The following RAP1GAP2 variants were observed in gnomAD, a reference collection of about 807,000 sequenced individuals.
The protein encoded by RAP1GAP2 is rap1 GTPase-activating protein 2.
RAP1GAP2 carries 27 observed loss-of-function variants against 95.0 expected under a neutral mutation model. That is an observed-to-expected ratio of 0.28 (90% CI 0.21 to 0.39). The LOEUF (loss-of-function observed/expected upper bound fraction) is 0.39, where lower values mean the gene tolerates loss of function less well. Ranked by LOEUF, RAP1GAP2 falls within the 10% of genes least tolerant of loss-of-function variation. RAP1GAP2 has a pLI of 1.00. For synonymous variants in RAP1GAP2, 373 were observed against 380.9 expected, an observed-to-expected ratio of 0.98 and a Z score of 0.24; for missense variants, 771 against 970.0, an observed-to-expected ratio of 0.79 and a Z score of 2.72.
intron 1 of RAP1GAP2, among the ~76,000 whole-genome samples, chr17:2,767,384 AAAAG>A (rs1160586426): frequency 1.0e-4 from 15 of 149,946 alleles, no homozygotes; most frequent in African/African-American, 3.7e-4. Flanking sequence ...AAAAAAAAAA[AAAAG>A]GTTGGAATAG....
chr17:3,022,399 A>G (rs1046115439), intron 19 of RAP1GAP2, among the ~76,000 whole-genome samples: 4 of 152,210 alleles, frequency 2.6e-5, no homozygotes, highest in African/African-American at 9.6e-5. Context: ...TTACCAAGCA[A>G]TTCCGCTCCT....
rs1555575129 is a variant in RAP1GAP2 at position 2,950,061 on chromosome 17, C to CTTCTTTTTT, written c.166-7696_166-7695insCTTTTTTTT. The stretch of plus-strand genomic sequence containing the variant: ...TTCTTTTCTTCTTCTTCTTCTTCTT[C>CTTCTTTTTT]TTTTTTTTTTGAGATGGAGTCTTGC... On this transcript the variant is annotated intron_variant, in intron 3 of 24. Coordinates refer to ENST00000254695, the MANE Select transcript of RAP1GAP2 (RefSeq NM_015085.5). Among the ~76,000 whole-genome samples the CTTCTTTTTT allele has an allele frequency of 3.5e-3, 496 of 141,278 alleles. 3 individuals are homozygous for CTTCTTTTTT. The highest frequency in any genetic ancestry group is 0.013 in the African/African-American group (477 of 37,152). The allele number at this position is 141,278 out of a possible 152,430, so 92.7% of individuals were successfully genotyped here.
intron 11 of RAP1GAP2, among the ~76,000 whole-genome samples, chr17:2,987,397 C>G (rs1022106338): frequency 6.6e-6 from 1 of 151,986 alleles, no homozygotes; most frequent in Non-Finnish European, 1.5e-5. Flanking sequence ...GAGTTTTGCT[C>G]TTGTTGCCCA....
At chr17:2,941,118 TG>T (rs1355361648) in intron 3 of RAP1GAP2, among the ~76,000 whole-genome samples, 2 of 152,154 alleles carry the variant, frequency 1.3e-5, no homozygotes, top group African/African-American at 4.8e-5. Context: ...AAAGACCGCG[TG>T]GGCCGGGAAC....
chr17:2,880,201 G>T (rs1193892524), intron 2 of RAP1GAP2, among the ~76,000 whole-genome samples: 1 of 152,084 alleles, frequency 6.6e-6, no homozygotes, highest in Non-Finnish European at 1.5e-5. Context: ...GGCTTGGGGG[G>T]GATGGGAGTG....
At chr17:2,792,644 G>A (rs552114381), upstream of RAP1GAP2, among the ~76,000 whole-genome samples, 3 of 152,216 alleles carry the variant, frequency 2.0e-5, no homozygotes, top group Non-Finnish European at 2.9e-5. Context: ...CAGCGGCATC[G>A]AAGAAGTCCA....
Position 2,849,075 on chromosome 17 carries a change from G to A in RAP1GAP2, c.80+48525G>A, listed in dbSNP as rs73979703. 3.8e-3 allele frequency among the ~76,000 whole-genome samples: 574 copies of A among 152,286 alleles called. 1 individual carries two copies. Among genetic ancestry groups the A allele is most frequent in the African/African-American group, 0.013 (532 of 41,546 alleles). On this transcript the variant is annotated intron_variant, in intron 2 of 24. Transcript: ENST00000254695. ...GATATCCCAGAGCAGGTGTGTGTAT[G>A]TGTGTACCCTCAAAGGCAGAAGAGA...
chr17:2,793,403 C>T (rs1383726717), upstream of RAP1GAP2, among the ~76,000 whole-genome samples: 1 of 152,184 alleles, frequency 6.6e-6, no homozygotes, highest in Non-Finnish European at 1.5e-5. Flanking sequence ...ATCTCCCTGC[C>T]TCGGTCTCCC....
At chr17:2,813,158 G>C (rs933928394) in intron 2 of RAP1GAP2, among the ~76,000 whole-genome samples, 1 of 150,292 alleles carries the variant, frequency 6.7e-6, no homozygotes, top group Non-Finnish European at 1.5e-5. Flanking sequence ...TGCAACCTCC[G>C]CCTCCCAGGT....
intron 3 of RAP1GAP2, among the ~76,000 whole-genome samples, chr17:2,925,551 C>T (rs979230890): frequency 2.0e-5 from 3 of 152,138 alleles, no homozygotes; most frequent in African/African-American, 7.2e-5. Context: ...GTGGGGATTA[C>T]AGTTCGAGAT....
intron 4 of RAP1GAP2, among the ~76,000 whole-genome samples, chr17:2,961,464 G>A (rs1019275954): frequency 2.6e-5 from 4 of 152,190 alleles, no homozygotes; most frequent in African/African-American, 7.2e-5. Flanking sequence ...GCAGTAAGCC[G>A]AGATCATACC....
chr17:2,824,691 G>C (rs1474267127), intron 2 of RAP1GAP2, among the ~76,000 whole-genome samples: 1 of 140,806 alleles, frequency 7.1e-6, no homozygotes, highest in Non-Finnish European at 1.5e-5. Flanking sequence ...AGTGAGCCGA[G>C]ATTGCGCCAT....
At position 2,993,388 on chromosome 17, in the gene RAP1GAP2, A is replaced by G. The variant is rs190201568; in HGVS notation, c.915-1949A>G. ...GGAGATTGAGACCATCTTGGCCAAC[A>G]TGGTGAAACCACGTCTCTACTAAAA... On this transcript the variant is annotated intron_variant, in intron 12 of 24. Coordinates refer to ENST00000254695, the MANE Select transcript of RAP1GAP2 (RefSeq NM_015085.5). 1.4e-4 allele frequency among the ~76,000 whole-genome samples: 21 copies of G among 151,342 alleles called. No individual in the cohort carries two copies. In the East Asian group the frequency reaches 4.1e-3, roughly 30 times the overall value.
intron 21 of RAP1GAP2, 34 bp from the exon 22 acceptor site, chr17:3,026,910 G>C (rs2047136026): frequency 5.8e-6 from 9 of 1,543,730 alleles, no homozygotes; most frequent in Non-Finnish European, 7.9e-6. Flanking sequence ...TGCCGAGGGT[G>C]GGCTGGCCTC....
rs1295797902 is a variant in RAP1GAP2 at position 2,965,892 on chromosome 17, C to G, written c.596+249C>G. ...GTCTCAAGGTCACCCAGACTGTACC[C>G]CTTCCTGCCCCTCTTTCTTACAAGT... On this transcript the variant is annotated intron_variant, in intron 8 of 24. Transcript: ENST00000254695. The surrounding 1 kb of genome is among the most constrained non-coding windows in gnomAD (Gnocchi z 4.7). 3.9e-6 allele frequency: 2 copies of G among 508,536 alleles called. No homozygotes were observed. Among genetic ancestry groups the G allele is most frequent in the Non-Finnish European group, 7.0e-6 (2 of 284,038 alleles). The allele number at this position is 508,536 out of a possible 1,614,324, so 31.5% of individuals were successfully genotyped here.
chr17:2,859,522 G>A (rs909178884), intron 2 of RAP1GAP2, among the ~76,000 whole-genome samples: 1 of 152,012 alleles, frequency 6.6e-6, no homozygotes, highest in Non-Finnish European at 1.5e-5. Context: ...TGCAACTTCC[G>A]CCTCCTGGGC....
rs561551488 is a variant in RAP1GAP2 at position 2,904,254 on chromosome 17, C to T, written c.81-1030C>T. Among the ~76,000 whole-genome samples the T allele has an allele frequency of 6.6e-6, 1 of 152,252 alleles. No homozygotes were observed. The highest frequency in any genetic ancestry group is 2.4e-5 in the African/African-American group (1 of 41,562). ...AATTCCCCAGGCTCTGCCCAGCTGGCCCTGTTGTGCAGCCGTGGCTCTGAA... is the reference window on the plus strand; with the variant it reads ...AATTCCCCAGGCTCTGCCCAGCTGGTCCTGTTGTGCAGCCGTGGCTCTGAA... On this transcript the variant is annotated intron_variant, in intron 2 of 24. Coordinates refer to ENST00000254695, the MANE Select transcript of RAP1GAP2 (RefSeq NM_015085.5). The surrounding 1 kb of genome is among the most constrained non-coding windows in gnomAD (Gnocchi z 4.7).
intron 2 of RAP1GAP2, among the ~76,000 whole-genome samples, chr17:2,893,796 C>T (rs900696945): frequency 3.3e-5 from 5 of 151,980 alleles, no homozygotes; most frequent in African/African-American, 9.6e-5. Flanking sequence ...TTCTGAGTGA[C>T]GGAGTGCGTT....
At chr17:3,011,787 A>T (rs1267040952) in intron 17 of RAP1GAP2, among the ~76,000 whole-genome samples, 3 of 151,586 alleles carry the variant, frequency 2.0e-5, no homozygotes, top group Non-Finnish European at 4.4e-5. Context: ...ACATGGCTAA[A>T]TTTTTTGTAT....
Sources: allele counts gnomAD v4.1 joint callset (sites outside exome capture counted in the v4.1 genomes callset), GRCh38; gene constraint gnomAD v4.1.1; non-coding constraint Gnocchi (gnomAD v3.1); transcripts MANE v1.5; gene names NCBI Gene and HGNC (gene_info 2026-07-23, HGNC 2026-07-21).